The following SSB variants were observed in gnomAD, a reference collection of about 807,000 sequenced individuals.
SSB encodes lupus La protein.
Under a neutral mutation model 52.9 loss-of-function variants are expected in SSB, and 17 were observed. That is an observed-to-expected ratio of 0.32 (90% CI 0.22 to 0.48). The LOEUF (loss-of-function observed/expected upper bound fraction) is 0.48, where lower values mean the gene tolerates loss of function less well. SSB is among the 20% of genes least tolerant of loss of function. The pLI is 0.99. For synonymous variants in SSB, 111 were observed against 152.1 expected (o/e 0.73, Z 1.99); for missense variants, 314 against 463.6 (o/e 0.68, Z 2.96).
Position 169,805,485 on chromosome 2 carries a change from C to T in SSB, c.78C>T (p.Gly26=), listed in dbSNP as rs563323665. The change falls in exon 3 of 12, where the codon GGC becomes GGT. Residue 26 remains glycine (G), a synonymous_variant. Coordinates refer to ENST00000260956, the MANE Select transcript of SSB (RefSeq NM_003142.5). ...TAATTATCTCACAGTATTATTTTGG[C>T]GACTTCAATTTGCCACGGGACAAGT... ...KICHQIEYYF[G]DFNLPRDKFL... is the part of the protein sequence containing the mutation. 20 of 1,611,784 alleles carry T rather than the reference C, an allele frequency of 1.2e-5. No homozygotes were observed. The highest frequency in any genetic ancestry group is 3.3e-5 in the Admixed American group (2 of 59,956).
Position 169,811,830 on chromosome 2 carries a change from A to G in SSB, c.*74A>G, listed in dbSNP as rs759901152. ...TTGTTTGCGGGGCTTTTAAAAGGAA[A>G]ACCGAATTAGGTCCACTTCAATGTC... On this transcript the variant is annotated 3_prime_UTR_variant, in exon 12 of 12. Transcript: ENST00000260956. 1 of 1,613,700 alleles carries G rather than the reference A, an allele frequency of 6.2e-7. No individual in the cohort carries two copies. Among genetic ancestry groups the G allele is most frequent in the Non-Finnish European group, 8.5e-7 (1 of 1,179,790 alleles).
rs1343007959 is a variant in SSB at position 169,805,711 on chromosome 2, A to G, written c.217A>G (p.Ser73Gly). The change falls in exon 4 of 12, where the codon AGC becomes GGC. Residue 73 changes from serine to glycine, a missense_variant. Transcript: ENST00000260956. ...TDFNVIVEALSKSKAELMEIS... is the reference protein window; with the variant it reads ...TDFNVIVEALGKSKAELMEIS... ...CTTTAATGTAATTGTGGAAGCATTG[A>G]GCAAATCCAAGGCAGAACTCATGGA... The G allele has an allele frequency of 6.2e-7, 1 of 1,614,110 alleles. No individual in the cohort carries two copies. Among genetic ancestry groups the G allele is most frequent in the Non-Finnish European group, 8.5e-7 (1 of 1,180,014 alleles).
chr2:169,811,845 A>G lies in SSB; in HGVS notation c.*89A>G. The G allele has an allele frequency of 6.2e-7, 1 of 1,613,648 alleles. No individual in the cohort carries two copies. Among genetic ancestry groups the G allele is most frequent in the South Asian group, 1.1e-5 (1 of 90,968 alleles). ...TTAAAAGGAAAACCGAATTAGGTCC[A>G]CTTCAATGTCCACCTGTGAGAAAGG... On this transcript the variant is annotated 3_prime_UTR_variant, in exon 12 of 12. Coordinates refer to ENST00000260956, the MANE Select transcript of SSB (RefSeq NM_003142.5).
At chr2:169,805,916 A>T in intron 4 of SSB, 77 bp downstream of exon 4, 2 of 1,315,920 alleles carry the variant, frequency 1.5e-6, no homozygotes, top group Non-Finnish European at 2.1e-6. Flanking sequence ...GGGCTCAGGA[A>T]TCACAGCCTC....
At chr2:169,803,767 A>G (rs908994556) in intron 2 of SSB, among the ~76,000 whole-genome samples, 3 of 151,482 alleles carry the variant, frequency 2.0e-5, no homozygotes, top group Admixed American at 1.3e-4. Flanking sequence ...GAGAGACAGT[A>G]TTGCTCTCCT....
In SSB at chr2:169,805,974, T is replaced by C. The variant is rs189661239; in HGVS notation, c.345+135T>C. 35 of 922,664 alleles carry C rather than the reference T, an allele frequency of 3.8e-5. No homozygotes were observed. The Admixed American group carries it at 5.8e-4, about 15-fold the overall frequency. 57.2% of individuals were successfully genotyped at this position (922,664 alleles called of 1,614,324 possible). ...GTAATATTCTTAACCTAAGTTTCTT[T>C]TGTTTTGTTTTGTTTTGAGACAGTC... On this transcript the variant is annotated intron_variant, in intron 4 of 11. Coordinates refer to ENST00000260956, the MANE Select transcript of SSB (RefSeq NM_003142.5).
rs1689979019 is a variant in SSB at position 169,812,012 on chromosome 2, T to C, written c.*256T>C. ...TTAAATTGCCTTTGTAATATGAGAATGTATTAGTACAAACTAACTAATAAA... is the reference window on the plus strand; with the variant it reads ...TTAAATTGCCTTTGTAATATGAGAACGTATTAGTACAAACTAACTAATAAA... On this transcript the variant is annotated 3_prime_UTR_variant, in exon 12 of 12. Transcript: ENST00000260956. 2 of 822,656 alleles carry C rather than the reference T, an allele frequency of 2.4e-6. No homozygotes were observed. Among genetic ancestry groups the C allele is most frequent in the African/African-American group, 3.5e-5 (2 of 57,720 alleles). The allele number at this position is 822,656 out of a possible 1,614,324, so 51.0% of individuals were successfully genotyped here. A position where few individuals can be genotyped will look rare whatever the true frequency, so the allele number is the denominator to read the frequency against.
rs1333146440 is a variant in SSB, at chr2:169,805,681, A to G, written c.187A>G (p.Thr63Ala). 6.2e-7 allele frequency: 1 copy of G among 1,614,086 alleles called. No homozygotes were observed. Reference sequence around the variant, plus strand: ...ACTCTTCAGGTTGAACCGTCTAACAACAGACTTTAATGTAATTGTGGAAGC... The same window carrying G: ...ACTCTTCAGGTTGAACCGTCTAACAGCAGACTTTAATGTAATTGTGGAAGC... ...IKFNRLNRLT[T>A]DFNVIVEALS... Residue 63 changes from threonine to alanine, a missense_variant, in exon 4 of 12, where the codon ACA becomes GCA. Transcript: ENST00000260956.
In SSB at chr2:169,806,896, T is replaced by C; in HGVS notation, c.453+4T>C. ...AACATTGCATAAAGCATTTAAGGTATGATAATACAGACTTTTTCTAGTTTT... is the reference window on the plus strand; with the variant it reads ...AACATTGCATAAAGCATTTAAGGTACGATAATACAGACTTTTTCTAGTTTT... On this transcript the variant is annotated splice_donor_region_variant and intron_variant, in intron 5 of 11. Coordinates refer to ENST00000260956, the MANE Select transcript of SSB (RefSeq NM_003142.5). 6.2e-7 allele frequency: 1 copy of C among 1,610,142 alleles called. No individual in the cohort carries two copies. Among genetic ancestry groups the C allele is most frequent in the South Asian group, 1.1e-5 (1 of 90,160 alleles).
At chr2:169,799,745 C>T (rs73016449) in intron 1 of SSB, among the ~76,000 whole-genome samples, 9,605 of 152,192 alleles carry the variant, frequency 0.063, 445 homozygotes, top group African/African-American at 0.14. Context: ...TCACACAGTA[C>T]CCCGTTGCAA....
intron 1 of SSB, chr2:169,799,180 G>C (rs576964590): frequency 6.6e-6 from 1 of 151,890 alleles, no homozygotes; most frequent in Admixed American, 6.6e-5. Context: ...CCCCCGCGAG[G>C]AATGCGGGAT....
intron 8 of SSB, 142 bp downstream of exon 8, chr2:169,809,044 T>C (rs1219372598): frequency 4.1e-6 from 3 of 724,198 alleles, no homozygotes; most frequent in South Asian, 1.5e-5. Flanking sequence ...TCAGGTATTA[T>C]ATTGAGGGAA....
chr2:169,802,664 T>C (rs1689736665), intron 2 of SSB, among the ~76,000 whole-genome samples: 1 of 152,234 alleles, frequency 6.6e-6, no homozygotes, highest in Admixed American at 6.5e-5. Flanking sequence ...ATGCTCATAC[T>C]AATTTTTTTA....
chr2:169,803,587 A>T (rs556011868), intron 2 of SSB, among the ~76,000 whole-genome samples: 1 of 152,054 alleles, frequency 6.6e-6, no homozygotes, highest in African/African-American at 2.4e-5. Context: ...TTAGCTGGGC[A>T]TGGTGGCATG....
intron 8 of SSB, 99 bp downstream of exon 8, chr2:169,809,001 C>T: frequency 2.1e-6 from 2 of 948,502 alleles, no homozygotes; most frequent in Non-Finnish European, 3.4e-6. Flanking sequence ...GTAAGCAAAG[C>T]TATCTATAGT....
At chr2:169,810,723 A>T in intron 9 of SSB, 135 bp from the exon 10 acceptor site, 1 of 846,572 alleles carries the variant, frequency 1.2e-6, no homozygotes, top group Non-Finnish European at 1.8e-6. Flanking sequence ...TTCCTTTTCT[A>T]CTGTTCAGTA....
chr2:169,802,797 C>T (rs867376558), intron 2 of SSB, among the ~76,000 whole-genome samples: 1 of 152,206 alleles, frequency 6.6e-6, no homozygotes, highest in Non-Finnish European at 1.5e-5. Context: ...AAACATCCCC[C>T]ACCAGAGTGG....
chr2:169,808,031 G>T (rs1189505201), intron 6 of SSB, among the ~76,000 whole-genome samples: 1 of 152,034 alleles, frequency 6.6e-6, no homozygotes, highest in African/African-American at 2.4e-5. Flanking sequence ...GGATCTTGGG[G>T]ATTTTAGAAT....
At chr2:169,810,778 A>G in intron 9 of SSB, 80 bp from the exon 10 acceptor site, 1 of 1,419,876 alleles carries the variant, frequency 7.0e-7, no homozygotes. Flanking sequence ...TGCAGGGTAG[A>G]AAAAATTACT....
Sources: gnomAD v4.1 joint callset for allele counts (sites outside exome capture counted in the v4.1 genomes callset) on GRCh38, gnomAD v4.1.1 for gene constraint, MANE v1.5 for transcripts, NCBI Gene and HGNC (gene_info 2026-07-23, HGNC 2026-07-21) for gene names.